Variants in STRIP2 observed in about 807,000 individuals in gnomAD.
STRIP2 encodes the protein striatin interacting protein 2.
In STRIP2, 84 loss-of-function variants were observed where a neutral mutation model predicts 107.1. That is an observed-to-expected ratio of 0.78 (90% confidence interval 0.66 to 0.94). STRIP2 has a LOEUF of 0.94. STRIP2 is among the 40% of genes least tolerant of loss of function. The pLI is 0.00. For synonymous variants in STRIP2, 394 were observed against 400.4 expected, an observed-to-expected ratio of 0.98 and a Z score of 0.19; for missense variants, 888 against 1,034.2, an observed-to-expected ratio of 0.86 and a Z score of 1.94.
chr7:129,437,212 T>G (rs1405973956), intron 1 of STRIP2, among the ~76,000 whole-genome samples: 1 of 50,932 alleles, frequency 2.0e-5, no homozygotes, highest in South Asian at 6.9e-4. Context: ...CTGAGGCAGG[T>G]GGGTAGCTTC....
At chr7:129,470,508 C>T (rs1341859080) in intron 17 of STRIP2, 141 bp from the exon 18 acceptor site, 3 of 640,422 alleles carry the variant, frequency 4.7e-6, no homozygotes, top group South Asian at 3.7e-5. Context: ...CACCAGAGCC[C>T]TCATTTCAGC....
intron 3 of STRIP2, among the ~76,000 whole-genome samples, chr7:129,445,347 G>T (rs1798007383): frequency 6.6e-6 from 1 of 152,138 alleles, no homozygotes; most frequent in South Asian, 2.1e-4. Context: ...GGACCCCAAA[G>T]TGTCCAGGTG....
In STRIP2 at chr7:129,470,683, C is replaced by T. The variant is rs764402407; in HGVS notation, c.1912C>T (p.Gln638Ter). 24 of 1,614,014 alleles carry T rather than the reference C, an allele frequency of 1.5e-5. No homozygotes were observed. Among genetic ancestry groups the T allele is most frequent in the Non-Finnish European group, 2.0e-5 (24 of 1,179,882 alleles). Residue 638 changes from glutamine to a stop codon, truncating the protein, a stop_gained, in exon 18 of 21, where the codon CAG becomes TAG. Coordinates refer to ENST00000249344, the MANE Select transcript of STRIP2 (RefSeq NM_020704.3). LOFTEE classifies it high-confidence loss of function. Reference sequence around the variant, plus strand: ...CCTGGATTATCCTTGCTGTACCATCCAGGATTTGCCGGAGCTTACTACTGA... The same window carrying T: ...CCTGGATTATCCTTGCTGTACCATCTAGGATTTGCCGGAGCTTACTACTGA... ...SVLDYPCCTIQDLPELTTESL... is the reference protein window; with the variant it reads ...SVLDYPCCTI
At position 129,434,450 on chromosome 7, in the gene STRIP2, G is replaced by A. The variant is rs1177893234; in HGVS notation, c.-23G>A. 1 of 1,492,730 alleles carries A rather than the reference G, an allele frequency of 6.7e-7. No individual in the cohort carries two copies. Among genetic ancestry groups the A allele is most frequent in the African/African-American group, 1.5e-5 (1 of 68,696 alleles). 92.5% of individuals were successfully genotyped at this position (1,492,730 alleles called of 1,614,324 possible). A position where few individuals can be genotyped will look rare whatever the true frequency, so the allele number is the denominator to read the frequency against. ...CCTCCGGCAAAGCGAGCTGAACCCTGAGGGGAGCCGCTGACCAGCAGCATG... is the reference window on the plus strand; with the variant it reads ...CCTCCGGCAAAGCGAGCTGAACCCTAAGGGGAGCCGCTGACCAGCAGCATG... On this transcript the variant is annotated 5_prime_UTR_variant, in exon 1 of 21. Coordinates refer to ENST00000249344, the MANE Select transcript of STRIP2 (RefSeq NM_020704.3).
chr7:129,455,414 C>T, intron 8 of STRIP2, 43 bp downstream of exon 8: 1 of 1,585,484 alleles, frequency 6.3e-7, no homozygotes, highest in Non-Finnish European at 8.6e-7. Flanking sequence ...ATCAGCAATG[C>T]CCTATGCCAC....
rs1584945610 is a variant in STRIP2 at position 129,453,331 on chromosome 7, C to T, written c.514C>T (p.Leu172Phe). The change falls in exon 5 of 21, where the codon CTC (leucine) becomes TTC (phenylalanine). Residue 172 changes from leucine to phenylalanine, a missense_variant. Transcript: ENST00000249344. ...GACCTTCTCCACCTTCCTGGAGCTA[C>T]TCCACATGGAAATTGAGTGAGAAGC... is the stretch of plus-strand genomic sequence containing the variant. The part of the protein sequence containing the change: ...MGTFSTFLEL[L>F]HMEIDNSQAC... 6.2e-7 allele frequency: 1 copy of T among 1,614,148 alleles called. No homozygotes were observed. The highest frequency in any genetic ancestry group is 8.5e-7 in the Non-Finnish European group (1 of 1,180,012).
chr7:129,444,396 A>G (rs972246729), intron 3 of STRIP2, among the ~76,000 whole-genome samples: 1 of 152,208 alleles, frequency 6.6e-6, no homozygotes, highest in Non-Finnish European at 1.5e-5. Context: ...GAGGGCAGGA[A>G]CTATCCAGCA....
Position 129,458,981 on chromosome 7 carries a change from T to G in STRIP2, c.1340+204T>G, listed in dbSNP as rs1305196075. ...TTCTTCCACTTTTCCTCAAAGAACT[T>G]TTGTGTTTTTAGCCAACTGTAGGAC... is the stretch of plus-strand genomic sequence containing the variant. On this transcript the variant is annotated intron_variant, in intron 11 of 20. Transcript: ENST00000249344. The surrounding 1 kb of genome is among the most constrained non-coding windows in gnomAD (Gnocchi z 4.6). Among the ~76,000 whole-genome samples the G allele has an allele frequency of 1.3e-5, 2 of 152,186 alleles. No individual in the cohort carries two copies. Among genetic ancestry groups the G allele is most frequent in the African/African-American group, 4.8e-5 (2 of 41,440 alleles).
intron 17 of STRIP2, among the ~76,000 whole-genome samples, chr7:129,469,359 C>T (rs920870282): frequency 3.9e-5 from 6 of 152,236 alleles, no homozygotes; most frequent in African/African-American, 1.4e-4. Context: ...TGGCTCTTAA[C>T]AATCTAGATG....
At position 129,434,592 on chromosome 7, in the gene STRIP2, G is replaced by A. The variant is rs1294625239; in HGVS notation, c.120G>A (p.Arg40=). ...GCGAAGCGTTCCGAAGCCAGCGGCG[G>A]GAGTCAGAGGTGAGGAGCCCGGAAA... is the stretch of plus-strand genomic sequence containing the variant. ...KGREAFRSQR[R]ESEGSVDCPT... Residue 40 remains arginine (R), a synonymous_variant, in exon 1 of 21, where the codon CGG becomes CGA. Transcript: ENST00000249344. 6.6e-7 allele frequency: 1 copy of A among 1,505,846 alleles called. No individual in the cohort carries two copies. The highest frequency in any genetic ancestry group is 8.8e-7 in the Non-Finnish European group (1 of 1,132,752). 93.3% of individuals were successfully genotyped at this position (1,505,846 alleles called of 1,614,324 possible).
At chr7:129,454,557 A>G (rs1378913742) in intron 7 of STRIP2, 30 bp downstream of exon 7, 2 of 1,429,334 alleles carry the variant, frequency 1.4e-6, no homozygotes, top group African/African-American at 1.4e-5. Flanking sequence ...GAAGGTGTGG[A>G]TGGGGTGCTA....
chr7:129,469,361 A>C (rs1798741528), intron 17 of STRIP2, among the ~76,000 whole-genome samples: 1 of 152,216 alleles, frequency 6.6e-6, no homozygotes, highest in Admixed American at 6.5e-5. Flanking sequence ...GCTCTTAACA[A>C]TCTAGATGTT....
In STRIP2 at chr7:129,475,519, T is replaced by C. The variant is rs567644362; in HGVS notation, c.1944+4804T>C. Among the ~76,000 whole-genome samples the C allele has an allele frequency of 5.8e-4, 86 of 147,904 alleles. 2 individuals carry two copies. The highest frequency in any genetic ancestry group is 1.8e-3 in the Admixed American group (26 of 14,718). On this transcript the variant is annotated intron_variant, in intron 18 of 20. Coordinates refer to ENST00000249344, the MANE Select transcript of STRIP2 (RefSeq NM_020704.3). ...CGCAGTGTTTGTATCCCTGGGTACT[T>C]GAGATTAGGGAGTGGTGATGACTCT...
chr7:129,466,978 A>G (rs1693203781), intron 16 of STRIP2, among the ~76,000 whole-genome samples: 1 of 152,232 alleles, frequency 6.6e-6, no homozygotes, highest in Non-Finnish European at 1.5e-5. Context: ...TGTCCCTGCT[A>G]TATCAATCAC....
chr7:129,438,937 C>T (rs1797825291), intron 1 of STRIP2, among the ~76,000 whole-genome samples: 2 of 152,164 alleles, frequency 1.3e-5, no homozygotes. Context: ...CTTCCCTGGG[C>T]AGCACTCTCC....
At chr7:129,453,520 T>C (rs1375577532) in intron 5 of STRIP2, among the ~76,000 whole-genome samples, 173 bp downstream of exon 5, 1 of 152,206 alleles carries the variant, frequency 6.6e-6, no homozygotes, top group Non-Finnish European at 1.5e-5. Context: ...TTCTCTGATA[T>C]TCTGTTCTCC....
intron 17 of STRIP2, among the ~76,000 whole-genome samples, chr7:129,467,850 A>C (rs1798707843): frequency 6.6e-6 from 1 of 152,172 alleles, no homozygotes; most frequent in Non-Finnish European, 1.5e-5. Context: ...TATTATACAA[A>C]ATTTGTAACT....
chr7:129,455,119 A>C, intron 7 of STRIP2, 125 bp from the exon 8 acceptor site: 1 of 1,214,794 alleles, frequency 8.2e-7, no homozygotes, highest in Non-Finnish European at 1.1e-6. Flanking sequence ...TCTCAGGACC[A>C]AGTACTCTGG....
At chr7:129,454,671 C>A (rs2150998354) in intron 7 of STRIP2, 144 bp downstream of exon 7, 1 of 632,338 alleles carries the variant, frequency 1.6e-6, no homozygotes, top group Non-Finnish European at 2.9e-6. Context: ...GACACAGATA[C>A]TGCATGGCAG....
Sources: allele counts gnomAD v4.1 joint callset (sites outside exome capture counted in the v4.1 genomes callset), GRCh38; gene constraint gnomAD v4.1.1; non-coding constraint Gnocchi (gnomAD v3.1); transcripts MANE v1.5; gene names NCBI Gene and HGNC (gene_info 2026-07-23, HGNC 2026-07-21).